Variants in MYO3A observed in about 807,000 individuals in gnomAD.
MYO3A encodes the protein myosin-IIIa.
A neutral mutation model predicts 192.7 loss-of-function variants in MYO3A; 180 were observed. The observed-to-expected ratio is 0.93, with a 90% CI of 0.83 to 1.06. The LOEUF is 1.06. Ranked by LOEUF, MYO3A falls within the 50% of genes least tolerant of loss-of-function variation. The pLI, the probability that MYO3A is intolerant of heterozygous loss-of-function variation, is 0.00. For synonymous variants in MYO3A, 628 were observed against 645.3 expected, an observed-to-expected ratio of 0.97 and a Z score of 0.41; for missense variants, 1,896 against 1,905.0, an observed-to-expected ratio of 1.00 and a Z score of 0.09.
rs181429155 is a variant in MYO3A at position 25,956,278 on chromosome 10, G to T, written c.303+1270G>T. The stretch of plus-strand genomic sequence containing the variant: ...AGGGGACACAGCCAAAGTGTAATAG[G>T]CACAATAATCATATATAAATTATAT... On this transcript the variant is annotated intron_variant, in intron 4 of 34. Transcript: ENST00000642920. 2.6e-5 allele frequency among the ~76,000 whole-genome samples: 4 copies of T among 151,884 alleles called. No individual in the cohort carries two copies. The East Asian group carries it at 7.7e-4, about 29-fold the overall frequency.
intron 27 of MYO3A, 84 bp downstream of exon 27, chr10:26,166,262 T>C: frequency 8.4e-7 from 1 of 1,190,296 alleles, no homozygotes. Context: ...TGTTTGAAAG[T>C]ATGGTTTTTT....
At chr10:26,100,931 G>A (rs1431847555) in intron 17 of MYO3A, among the ~76,000 whole-genome samples, 3 of 152,170 alleles carry the variant, frequency 2.0e-5, no homozygotes, top group African/African-American at 7.2e-5. Flanking sequence ...GCAGAGCTGA[G>A]TTCAATTCCT....
At chr10:26,186,682 T>C (rs1842885536) in intron 31 of MYO3A, among the ~76,000 whole-genome samples, 1 of 152,240 alleles carries the variant, frequency 6.6e-6, no homozygotes, top group Non-Finnish European at 1.5e-5. Flanking sequence ...ATTTGCTTTT[T>C]GGATTTGTGC....
At chr10:26,137,029 CA>C (rs11420363) in intron 20 of MYO3A, among the ~76,000 whole-genome samples, 3 of 146,788 alleles carry the variant, frequency 2.0e-5, no homozygotes, top group Admixed American at 6.8e-5. Flanking sequence ...AAAAACAAAA[CA>C]AAAAAAAAAG....
intron 31 of MYO3A, among the ~76,000 whole-genome samples, chr10:26,187,239 A>T (rs990026838): frequency 3.8e-4 from 54 of 141,034 alleles, no homozygotes; most frequent in African/African-American, 1.3e-3. Flanking sequence ...TCCACTATTT[A>T]AAAAAAAAAA....
intron 15 of MYO3A, among the ~76,000 whole-genome samples, chr10:26,092,195 C>T (rs980973641): frequency 1.3e-5 from 2 of 152,172 alleles, no homozygotes; most frequent in African/African-American, 2.4e-5. Flanking sequence ...CGGCCGGGTG[C>T]GGTGGCTCAC....
chr10:26,013,265 G>T (rs1032063256), intron 6 of MYO3A, among the ~76,000 whole-genome samples: 9 of 151,844 alleles, frequency 5.9e-5, no homozygotes, highest in African/African-American at 2.2e-4. Flanking sequence ...CAAAAACAAA[G>T]ATAAATAAAT....
chr10:25,979,412 C>CA (rs75596181), intron 4 of MYO3A, among the ~76,000 whole-genome samples: 4,465 of 125,634 alleles, frequency 0.036, 204 homozygotes, highest in African/African-American at 0.12. Context: ...CTTCTATTAC[C>CA]AAAAAAAAAA....
rs1168059289 is a variant in MYO3A at position 26,166,079 on chromosome 10, CT to C, written c.3013del (p.Cys1005AlafsTer10). The C allele has an allele frequency of 6.2e-7, 1 of 1,614,132 alleles. No individual in the cohort carries two copies. The highest frequency in any genetic ancestry group is 8.5e-7 in the Non-Finnish European group (1 of 1,179,992). On this transcript the variant is annotated frameshift_variant, in exon 27 of 35. Transcript: ENST00000642920. LOFTEE classifies it high-confidence loss of function. ...ANFIKRYYLL[C>X]YKSSEEPRMS... ...TTTCCATTCCAAGGTACTACCTTCT[CT>C]GCTACAAGTCGAGCGAGGAGCCCCG...
At chr10:26,167,943 C>T (rs1445373226) in intron 27 of MYO3A, among the ~76,000 whole-genome samples, 2 of 152,084 alleles carry the variant, frequency 1.3e-5, no homozygotes, top group Non-Finnish European at 2.9e-5. Context: ...GAAATTTAGC[C>T]ATTAAAAGGA....
At chr10:26,056,329 A>G (rs11014934) in intron 10 of MYO3A, among the ~76,000 whole-genome samples, 45,459 of 151,988 alleles carry the variant, frequency 0.3, 7,219 homozygotes, top group Middle Eastern at 0.44. Flanking sequence ...TAGAAGATCT[A>G]AGAATTGTGG....
At chr10:25,934,555 A>G (rs1177142627) in intron 1 of MYO3A, among the ~76,000 whole-genome samples, 1 of 151,210 alleles carries the variant, frequency 6.6e-6, no homozygotes, top group African/African-American at 2.4e-5. Context: ...GGGGAGAAGT[A>G]GAGCGGGAAA....
At chr10:25,998,840 T>C in intron 6 of MYO3A, among the ~76,000 whole-genome samples, 1 of 152,168 alleles carries the variant, frequency 6.6e-6, no homozygotes, top group East Asian at 1.9e-4. Flanking sequence ...CAAAATAAAC[T>C]AGATTGAAAA....
At chr10:26,067,554 G>A (rs1834930202) in intron 11 of MYO3A, among the ~76,000 whole-genome samples, 1 of 152,188 alleles carries the variant, frequency 6.6e-6, no homozygotes, top group South Asian at 2.1e-4. Context: ...TCAACAGCCT[G>A]TCTGTTACCA....
intron 4 of MYO3A, among the ~76,000 whole-genome samples, chr10:25,989,111 T>C (rs1485992284): frequency 1.3e-5 from 2 of 151,904 alleles, no homozygotes; most frequent in Non-Finnish European, 2.9e-5. Context: ...GGCTAATTTT[T>C]ATAAAAAAAT....
intron 6 of MYO3A, among the ~76,000 whole-genome samples, chr10:26,001,772 AGG>A (rs1840839104): frequency 6.6e-6 from 1 of 152,222 alleles, no homozygotes; most frequent in Non-Finnish European, 1.5e-5. Flanking sequence ...ACTTGAGCCC[AGG>A]AGTTAGAGGC....
intron 4 of MYO3A, among the ~76,000 whole-genome samples, chr10:25,990,650 A>AC (rs1839961089): frequency 1.6e-5 from 2 of 127,066 alleles, no homozygotes; most frequent in East Asian, 2.5e-4. Flanking sequence ...TCCTAAGGCT[A>AC]CCCCTCCCCC....
At chr10:26,185,638 C>G (rs896318382) in intron 31 of MYO3A, among the ~76,000 whole-genome samples, 1 of 151,956 alleles carries the variant, frequency 6.6e-6, no homozygotes, top group African/African-American at 2.4e-5. Context: ...CCGCACACAG[C>G]CCATTCCAGG....
intron 4 of MYO3A, among the ~76,000 whole-genome samples, chr10:25,957,626 G>A (rs563743407): frequency 7.9e-5 from 12 of 152,216 alleles, no homozygotes; most frequent in African/African-American, 2.9e-4. Context: ...AGATAGCTGG[G>A]TTTCATGGTA....
Sources: gnomAD v4.1 joint callset for allele counts (sites outside exome capture counted in the v4.1 genomes callset) on GRCh38, gnomAD v4.1.1 for gene constraint, MANE v1.5 for transcripts, NCBI Gene and HGNC (gene_info 2026-07-23, HGNC 2026-07-21) for gene names.